AKAP13: variants seen among roughly 807,000 people sequenced by gnomAD.
The protein encoded by AKAP13 is A-kinase anchoring protein 13, also known as A-kinase anchor protein 13.
A neutral mutation model predicts 264.5 loss-of-function variants in AKAP13; 80 were observed. The ratio of observed to expected loss-of-function variants is 0.30; its 90% CI spans 0.25 to 0.36. AKAP13 has a LOEUF of 0.36. AKAP13 is among the 10% of genes least tolerant of loss of function. The pLI is 1.00. For missense variants in AKAP13, 3,712 were observed against 3,435.2 expected (o/e 1.08, Z -2.01); for synonymous variants, 1,380 against 1,250.2 (o/e 1.10, Z -2.19).
intron 8 of AKAP13, among the ~76,000 whole-genome samples, chr15:85,607,911 C>A (rs150021689): frequency 6.6e-6 from 1 of 152,300 alleles, no homozygotes; most frequent in East Asian, 1.9e-4. Flanking sequence ...CAAAATTAAC[C>A]TGGCAGTAGT....
chr15:85,384,506 C>T (rs945374485), intron 1 of AKAP13, among the ~76,000 whole-genome samples: 9 of 152,082 alleles, frequency 5.9e-5, no homozygotes, highest in African/African-American at 2.2e-4. Flanking sequence ...CACTTGAGGT[C>T]AGGAGTTCAA....
chr15:85,696,681 G>C (rs1287834624), intron 17 of AKAP13, among the ~76,000 whole-genome samples: 2 of 152,088 alleles, frequency 1.3e-5, no homozygotes, highest in African/African-American at 4.8e-5. Context: ...CCTGCCTTCT[G>C]CTATAAAATA....
At chr15:85,625,502 A>G (rs1006175567) in intron 8 of AKAP13, among the ~76,000 whole-genome samples, 4 of 152,186 alleles carry the variant, frequency 2.6e-5, no homozygotes, top group Non-Finnish European at 5.9e-5. Flanking sequence ...AGAGACTAAC[A>G]TGAGAACAGG....
chr15:85,706,360 C>T (rs796230686), intron 17 of AKAP13, among the ~76,000 whole-genome samples: 9 of 152,270 alleles, frequency 5.9e-5, no homozygotes, highest in African/African-American at 1.2e-4. Context: ...CCGTTTGCCT[C>T]GACCACTTTG....
intron 1 of AKAP13, among the ~76,000 whole-genome samples, chr15:85,411,523 C>T (rs1356991272): frequency 3.9e-5 from 6 of 152,074 alleles, no homozygotes; most frequent in Admixed American, 2.6e-4. Flanking sequence ...CTGCAAGCTC[C>T]GCTTCCCGGG....
intron 2 of AKAP13, among the ~76,000 whole-genome samples, chr15:85,510,533 A>G (rs907544254): frequency 6.6e-6 from 1 of 152,226 alleles, no homozygotes; most frequent in Non-Finnish European, 1.5e-5. Context: ...GATTTCATAT[A>G]ATGTTTGTAT....
chr15:85,594,944 G>GGTCA (rs1206594766), intron 8 of AKAP13, among the ~76,000 whole-genome samples: 1 of 151,968 alleles, frequency 6.6e-6, no homozygotes, highest in Admixed American at 6.6e-5. Context: ...AAAGTTTCAG[G>GGTCA]GTCACCAATT....
chr15:85,473,192 G>A (rs1175928035), intron 1 of AKAP13, among the ~76,000 whole-genome samples: 1 of 152,120 alleles, frequency 6.6e-6, no homozygotes, highest in Non-Finnish European at 1.5e-5. Flanking sequence ...AAGATTTCAA[G>A]GTACGGGGTC....
At chr15:85,388,265 A>T (rs889638099) in intron 1 of AKAP13, among the ~76,000 whole-genome samples, 3 of 151,674 alleles carry the variant, frequency 2.0e-5, no homozygotes, top group African/African-American at 4.8e-5. Flanking sequence ...GGCTGGTCTC[A>T]AACTCCTGAC....
At chr15:85,600,375 C>T (rs1021505742) in intron 8 of AKAP13, among the ~76,000 whole-genome samples, 1 of 148,478 alleles carries the variant, frequency 6.7e-6, no homozygotes, top group African/African-American at 2.5e-5. Flanking sequence ...AGCGTTTTAT[C>T]ACATAACCAA....
chr15:85,419,172 C>T (rs1189255405), intron 1 of AKAP13, among the ~76,000 whole-genome samples: 2 of 152,214 alleles, frequency 1.3e-5, no homozygotes, highest in Non-Finnish European at 2.9e-5. Flanking sequence ...TGTATCATAT[C>T]ATCATAGGAT....
intron 1 of AKAP13, among the ~76,000 whole-genome samples, chr15:85,408,321 T>G (rs2071772586): frequency 6.6e-6 from 1 of 151,772 alleles, no homozygotes; most frequent in Non-Finnish European, 1.5e-5. Context: ...ACCATAAAAT[T>G]TACCATCTTA....
chr15:85,527,972 C>G (rs1338263920), intron 3 of AKAP13, among the ~76,000 whole-genome samples: 2 of 152,170 alleles, frequency 1.3e-5, no homozygotes, highest in Admixed American at 1.3e-4. Flanking sequence ...GCTGGCCCAG[C>G]AAACACTTTT....
chr15:85,515,919 T>A (rs1431606737), intron 2 of AKAP13, among the ~76,000 whole-genome samples: 2 of 88,564 alleles, frequency 2.3e-5, no homozygotes, highest in Admixed American at 2.3e-4. Flanking sequence ...AAGCCTTAAG[T>A]GAGCATTTCT....
At chr15:85,604,934 C>T (rs904911018) in intron 8 of AKAP13, among the ~76,000 whole-genome samples, 5 of 152,168 alleles carry the variant, frequency 3.3e-5, no homozygotes, top group Admixed American at 1.3e-4. Context: ...TTTACTGTAA[C>T]ATCTTCATAG....
intron 10 of AKAP13, among the ~76,000 whole-genome samples, chr15:85,652,972 A>C (rs868829190): frequency 8.5e-5 from 13 of 152,276 alleles, no homozygotes; most frequent in Non-Finnish European, 1.5e-4. Flanking sequence ...TTTCCAAATA[A>C]GCTCACATTC....
intron 2 of AKAP13, among the ~76,000 whole-genome samples, chr15:85,487,854 C>T (rs946160064): frequency 5.3e-5 from 8 of 151,792 alleles, no homozygotes; most frequent in African/African-American, 1.9e-4. Context: ...ACCTCAGCCT[C>T]CTGAGTAGCT....
At position 85,579,603 on chromosome 15, in the gene AKAP13, A is replaced by C. The variant is rs1283297086; in HGVS notation, c.1535A>C (p.Asn512Thr). The C allele has an allele frequency of 6.2e-7, 1 of 1,614,106 alleles. No individual in the cohort carries two copies. Among genetic ancestry groups the C allele is most frequent in the Non-Finnish European group, 8.5e-7 (1 of 1,180,040 alleles). ...ACAAAGGAAAGATTTGAGAACTCTA[A>C]TATTGGCACAGCTGGAGCCTCTGAC... ...ESTKERFENS[N>T]IGTAGASDVH... Residue 512 changes from asparagine to threonine, a missense_variant, in exon 7 of 37, where the codon AAT (asparagine) becomes ACT (threonine). Asn to Thr is a moderately conservative substitution (Grantham distance 65). Around this residue, in one of 3 missense-constraint regions of AKAP13, gnomAD observed 2,759 missense variants for 2,411.7 expected, o/e 1.14. Transcript: ENST00000394518.
At position 85,580,537 on chromosome 15, in the gene AKAP13, TTATAGAGA is replaced by T; in HGVS notation, c.2471_2478del (p.Tyr824TrpfsTer8). 6.2e-7 allele frequency: 1 copy of T among 1,614,068 alleles called. No individual in the cohort carries two copies. The highest frequency in any genetic ancestry group is 8.5e-7 in the Non-Finnish European group (1 of 1,179,988). On this transcript the variant is annotated frameshift_variant, in exon 7 of 37. Coordinates refer to ENST00000394518, the MANE Select transcript of AKAP13 (RefSeq NM_007200.5). LOFTEE classifies it high-confidence loss of function. ...CTCCTGAACTACATACAGCTACAGA[TTATAGAGA>T]TGGCCCAGATGGAAATTCGAATGAG...
Sources: gnomAD v4.1 joint callset for allele counts (sites outside exome capture counted in the v4.1 genomes callset) on GRCh38, gnomAD v4.1.1 for gene constraint, gnomAD v4.1.1 regional missense constraint, MANE v1.5 for transcripts, NCBI Gene and HGNC (gene_info 2026-07-23, HGNC 2026-07-21) for gene names.